The following CNTNAP2 variants were observed in gnomAD, a reference collection of about 807,000 sequenced individuals.
CNTNAP2 encodes contactin associated protein 2.
Under a neutral mutation model 155.2 loss-of-function variants are expected in CNTNAP2, and 98 were observed. That is an observed-to-expected ratio of 0.63 (90% CI 0.54 to 0.75). The LOEUF (loss-of-function observed/expected upper bound fraction) is 0.75. Ranked by LOEUF, CNTNAP2 falls within the 30% of genes least tolerant of loss-of-function variation. CNTNAP2 has a pLI of 0.00. For synonymous variants in CNTNAP2, 651 were observed against 631.2 expected, an observed-to-expected ratio of 1.03 and a Z score of -0.47; for missense variants, 1,727 against 1,688.1, an observed-to-expected ratio of 1.02 and a Z score of -0.40.
intron 1 of CNTNAP2, among the ~76,000 whole-genome samples, chr7:146,246,832 T>C (rs373886866): frequency 2.2e-4 from 33 of 152,186 alleles, no homozygotes; most frequent in Non-Finnish European, 4.0e-4. Flanking sequence ...GCCAGATTTC[T>C]GGCACTTGTA....
intron 14 of CNTNAP2, among the ~76,000 whole-genome samples, chr7:147,953,349 A>C (rs958209139): frequency 1.3e-5 from 2 of 152,178 alleles, no homozygotes; most frequent in African/African-American, 4.8e-5. Context: ...TCTAAATTAC[A>C]TGAGTGGGAC....
chr7:147,948,938 A>G (rs1031663157), intron 14 of CNTNAP2, among the ~76,000 whole-genome samples: 2 of 152,146 alleles, frequency 1.3e-5, no homozygotes, highest in Non-Finnish European at 2.9e-5. Flanking sequence ...ACGGTGGCCC[A>G]CACCTGTAAT....
At chr7:146,971,487 G>A (rs559033392) in intron 3 of CNTNAP2, among the ~76,000 whole-genome samples, 33 of 152,246 alleles carry the variant, frequency 2.2e-4, no homozygotes, top group Admixed American at 9.8e-4. Flanking sequence ...ATTTGGGCTC[G>A]TATAGCAAAA....
chr7:146,184,574 G>C (rs749782966), intron 1 of CNTNAP2, among the ~76,000 whole-genome samples: 9 of 152,070 alleles, frequency 5.9e-5, no homozygotes, highest in Admixed American at 1.3e-4. Context: ...CTATTCTCTT[G>C]GTCTCAGGCT....
At chr7:147,305,218 A>T (rs1416863688) in intron 9 of CNTNAP2, among the ~76,000 whole-genome samples, 1 of 152,214 alleles carries the variant, frequency 6.6e-6, no homozygotes, top group African/African-American at 2.4e-5. Context: ...GTGCAAAACC[A>T]GTTGGGGTTT....
At chr7:147,168,417 T>G (rs2116470551) in intron 8 of CNTNAP2, among the ~76,000 whole-genome samples, 1 of 152,126 alleles carries the variant, frequency 6.6e-6, no homozygotes, top group South Asian at 2.1e-4. Context: ...TTCTCCTAAT[T>G]AATTCAGACA....
intron 22 of CNTNAP2, among the ~76,000 whole-genome samples, chr7:148,384,156 T>C (rs1799137050): frequency 6.6e-6 from 1 of 152,234 alleles, no homozygotes; most frequent in Non-Finnish European, 1.5e-5. Context: ...CCTAAACTGA[T>C]GTCTGCGCCA....
At chr7:147,312,389 C>A (rs1467942825) in intron 9 of CNTNAP2, among the ~76,000 whole-genome samples, 1 of 150,106 alleles carries the variant, frequency 6.7e-6, no homozygotes, top group African/African-American at 2.5e-5. Flanking sequence ...TTAGGTATAT[C>A]TCCTAATGCT....
At chr7:147,657,464 G>C (rs978250744) in intron 13 of CNTNAP2, among the ~76,000 whole-genome samples, 1 of 151,422 alleles carries the variant, frequency 6.6e-6, no homozygotes, top group Non-Finnish European at 1.5e-5. Flanking sequence ...AAAATGATCT[G>C]AGGTGAGAAT....
At chr7:148,188,695 T>A (rs1311381270) in intron 18 of CNTNAP2, among the ~76,000 whole-genome samples, 3 of 152,236 alleles carry the variant, frequency 2.0e-5, no homozygotes, top group Non-Finnish European at 4.4e-5. Flanking sequence ...GTTAGAATTT[T>A]GTACTATTGG....
intron 8 of CNTNAP2, among the ~76,000 whole-genome samples, chr7:147,239,792 A>G (rs1377654090): frequency 6.6e-6 from 1 of 152,208 alleles, no homozygotes; most frequent in Non-Finnish European, 1.5e-5. Context: ...CATTTTATAG[A>G]TATCATCATC....
chr7:146,780,588 T>A (rs1401656955), intron 2 of CNTNAP2, among the ~76,000 whole-genome samples: 1 of 152,038 alleles, frequency 6.6e-6, no homozygotes, highest in African/African-American at 2.4e-5. Context: ...ATGATGAGCT[T>A]TTTTTTAACA....
At chr7:146,356,395 C>T (rs970372445) in intron 1 of CNTNAP2, among the ~76,000 whole-genome samples, 2 of 152,098 alleles carry the variant, frequency 1.3e-5, no homozygotes, top group Non-Finnish European at 2.9e-5. Flanking sequence ...TAATTAATAG[C>T]TTCAAGGTTT....
At chr7:147,904,580 G>C (rs1240368836) in intron 14 of CNTNAP2, among the ~76,000 whole-genome samples, 1 of 152,160 alleles carries the variant, frequency 6.6e-6, no homozygotes, top group African/African-American at 2.4e-5. Flanking sequence ...CCCAGCCATG[G>C]TTTTCTTCAG....
chr7:147,562,505 G>A (rs145940674), intron 12 of CNTNAP2, among the ~76,000 whole-genome samples: 278 of 152,244 alleles, frequency 1.8e-3, no homozygotes, highest in African/African-American at 6.4e-3. Context: ...AAATCAGCAT[G>A]TAGGGGGAAA....
intron 1 of CNTNAP2, among the ~76,000 whole-genome samples, chr7:146,645,132 A>C (rs946188819): frequency 4.6e-5 from 7 of 152,192 alleles, no homozygotes; most frequent in Admixed American, 3.9e-4. Context: ...GGATGCACTG[A>C]TATGTACTTT....
intron 21 of CNTNAP2, among the ~76,000 whole-genome samples, chr7:148,297,814 G>T (rs965037086): frequency 1.1e-4 from 16 of 152,092 alleles, no homozygotes; most frequent in African/African-American, 3.9e-4. Context: ...GTCTCATGGA[G>T]TGACCTCTTC....
chr7:147,629,025 T>C lies in CNTNAP2; in HGVS notation c.1898-10081T>C, dbSNP rs995870890. ...TACCAGACCTAAGATGTGAGATAGA[T>C]GGCAACACAATAATAGTGGGGGGGC... On this transcript the variant is annotated intron_variant, in intron 12 of 23. Coordinates refer to ENST00000361727, the MANE Select transcript of CNTNAP2 (RefSeq NM_014141.6). Among the ~76,000 whole-genome samples, 4 of 152,152 alleles carry C rather than the reference T, an allele frequency of 2.6e-5. No homozygotes were observed. In the East Asian group the frequency reaches 7.7e-4, roughly 29 times the overall value.
At chr7:147,558,701 C>T (rs879438693) in intron 11 of CNTNAP2, among the ~76,000 whole-genome samples, 3 of 13,464 alleles carry the variant, frequency 2.2e-4, no homozygotes, top group Non-Finnish European at 4.4e-4. Context: ...TCGTTCTTTC[C>T]TTCCTTCCTT....
Sources: gnomAD v4.1 joint callset for allele counts (sites outside exome capture counted in the v4.1 genomes callset) on GRCh38, gnomAD v4.1.1 for gene constraint, MANE v1.5 for transcripts, NCBI Gene and HGNC (gene_info 2026-07-23, HGNC 2026-07-21) for gene names.